The following GRIK3 variants were observed in gnomAD, a reference collection of about 807,000 sequenced individuals.
GRIK3 encodes glutamate receptor ionotropic, kainate 3.
In GRIK3, 29 loss-of-function variants were observed where a neutral mutation model predicts 102.5. The observed-to-expected ratio is 0.28, with a 90% CI of 0.21 to 0.39. The LOEUF (loss-of-function observed/expected upper bound fraction) is 0.39, where lower values mean the gene tolerates loss of function less well. Ranked by LOEUF, GRIK3 falls within the 10% of genes least tolerant of loss-of-function variation. The pLI is 1.00. For synonymous variants in GRIK3, 511 were observed against 504.9 expected (o/e 1.01, Z -0.16); for missense variants, 908 against 1,252.4 (o/e 0.73, Z 4.15).
intron 1 of GRIK3, among the ~76,000 whole-genome samples, chr1:36,908,901 GA>G: frequency 6.6e-6 from 1 of 151,944 alleles, no homozygotes; most frequent in Admixed American, 6.6e-5. Flanking sequence ...ACCTTGTGTG[GA>G]AGCCCAACGG....
chr1:36,802,681 C>T (rs1009728752), intron 15 of GRIK3, among the ~76,000 whole-genome samples: 10 of 152,158 alleles, frequency 6.6e-5, no homozygotes, highest in African/African-American at 1.4e-4. Flanking sequence ...CAGCGTTTCC[C>T]GCAGGTATCT....
At chr1:36,920,201 A>G (rs967012384) in intron 1 of GRIK3, among the ~76,000 whole-genome samples, 8 of 152,248 alleles carry the variant, frequency 5.3e-5, no homozygotes, top group Admixed American at 2.6e-4. Flanking sequence ...TAGAGGGACC[A>G]GAGTCTAGTG....
chr1:36,956,877 T>A (rs1641918045), intron 1 of GRIK3, among the ~76,000 whole-genome samples: 2 of 152,282 alleles, frequency 1.3e-5, no homozygotes. Context: ...CTTTGTGTCC[T>A]CTGTTTTACA....
intron 1 of GRIK3, among the ~76,000 whole-genome samples, chr1:36,980,278 G>A (rs907694201): frequency 1.3e-5 from 2 of 151,992 alleles, no homozygotes; most frequent in Admixed American, 6.5e-5. Flanking sequence ...TCTACAGAGC[G>A]CCGTGTGATC....
In GRIK3 at chr1:37,033,984, G is replaced by C; in HGVS notation, c.115+10C>G. 1 of 1,536,588 alleles carries C rather than the reference G, an allele frequency of 6.5e-7. No homozygotes were observed. The highest frequency in any genetic ancestry group is 8.9e-7 in the Non-Finnish European group (1 of 1,124,560). ...GCGCACGGAGACCCCCGGCTCCAGG[G>C]AGCGCTTACCGATCCGGATGACGTG... On this transcript the variant is annotated intron_variant, in intron 1 of 15. Transcript: ENST00000373091.
At chr1:36,985,995 C>A (rs1642300438) in intron 1 of GRIK3, among the ~76,000 whole-genome samples, 1 of 151,728 alleles carries the variant, frequency 6.6e-6, no homozygotes, top group Non-Finnish European at 1.5e-5. Flanking sequence ...AGAGACATGC[C>A]CGCTCCAGGA....
At chr1:37,030,534 CA>C (rs200716153) in intron 1 of GRIK3, among the ~76,000 whole-genome samples, 4,375 of 108,428 alleles carry the variant, frequency 0.04, 92 homozygotes, top group Non-Finnish European at 0.047. Flanking sequence ...TCCTTTTCCC[CA>C]CCCCCCACCC....
chr1:36,988,316 G>A (rs1642327851), intron 1 of GRIK3, among the ~76,000 whole-genome samples: 1 of 152,232 alleles, frequency 6.6e-6, no homozygotes. Context: ...ACCTGAGCCT[G>A]GGCCCATCCT....
chr1:37,030,194 G>A (rs971322101), intron 1 of GRIK3, among the ~76,000 whole-genome samples: 2 of 152,188 alleles, frequency 1.3e-5, no homozygotes, highest in African/African-American at 2.4e-5. Flanking sequence ...ACTTCCAGGG[G>A]GGAAAACCCT....
intron 1 of GRIK3, among the ~76,000 whole-genome samples, chr1:37,018,392 A>G (rs561528810): frequency 2.0e-5 from 3 of 152,322 alleles, no homozygotes; most frequent in African/African-American, 7.2e-5. Context: ...CCCCGATTCT[A>G]CTGGGACCTT....
At chr1:36,888,903 C>T (rs1443254568) in intron 2 of GRIK3, among the ~76,000 whole-genome samples, 2 of 152,026 alleles carry the variant, frequency 1.3e-5, no homozygotes, top group Non-Finnish European at 2.9e-5. Flanking sequence ...TTGGGCATGA[C>T]CTATAAAGGG....
chr1:36,862,940 T>C (rs977480662), intron 5 of GRIK3, among the ~76,000 whole-genome samples: 4 of 152,054 alleles, frequency 2.6e-5, no homozygotes, highest in African/African-American at 4.8e-5. Flanking sequence ...AGGGCAGACA[T>C]AGGTTGGTGT....
At chr1:36,909,653 G>C (rs1331632985) in intron 1 of GRIK3, among the ~76,000 whole-genome samples, 6 of 151,940 alleles carry the variant, frequency 3.9e-5, no homozygotes, top group African/African-American at 1.5e-4. Flanking sequence ...GCATCACTGG[G>C]CTCTGAAAGA....
At chr1:37,027,079 C>T (rs1306334756) in intron 1 of GRIK3, among the ~76,000 whole-genome samples, 1 of 151,902 alleles carries the variant, frequency 6.6e-6, no homozygotes, top group Non-Finnish European at 1.5e-5. Context: ...CGACTCACCC[C>T]CAGAAAACCA....
chr1:36,829,078 G>C (rs536082704), intron 10 of GRIK3, among the ~76,000 whole-genome samples: 15 of 152,234 alleles, frequency 9.9e-5, no homozygotes, highest in Non-Finnish European at 1.6e-4. Flanking sequence ...GTTTGGATCT[G>C]TGTTCTCCCT....
chr1:36,947,919 G>T (rs918472628), intron 1 of GRIK3, among the ~76,000 whole-genome samples: 1 of 152,016 alleles, frequency 6.6e-6, no homozygotes, highest in Non-Finnish European at 1.5e-5. Context: ...ATCTCCGTGG[G>T]TCACCCTCAC....
At chr1:37,017,045 T>C (rs1642658649) in intron 1 of GRIK3, among the ~76,000 whole-genome samples, 1 of 151,790 alleles carries the variant, frequency 6.6e-6, no homozygotes, top group Admixed American at 6.6e-5. Context: ...TGAAACTCTG[T>C]CTCTAATAAA....
chr1:36,971,795 A>G (rs918711106), intron 1 of GRIK3, among the ~76,000 whole-genome samples: 4 of 152,158 alleles, frequency 2.6e-5, no homozygotes, highest in Non-Finnish European at 5.9e-5. Flanking sequence ...CACAGTCATC[A>G]GCATCCACAT....
At chr1:36,844,990 A>C (rs1403395729) in intron 9 of GRIK3, among the ~76,000 whole-genome samples, 1 of 152,216 alleles carries the variant, frequency 6.6e-6, no homozygotes, top group Non-Finnish European at 1.5e-5. Flanking sequence ...CCACAGCCCC[A>C]GAATCTATAC....
Sources: allele counts gnomAD v4.1 joint callset (sites outside exome capture counted in the v4.1 genomes callset), GRCh38; gene constraint gnomAD v4.1.1; transcripts MANE v1.5; gene names NCBI Gene and HGNC (gene_info 2026-07-23, HGNC 2026-07-21).